The following HDAC9 variants were observed in gnomAD, a reference collection of about 807,000 sequenced individuals.
HDAC9 encodes the protein histone deacetylase 9, also known as MEF-2 interacting transcription repressor (MITR) protein.
Under a neutral mutation model 139.4 loss-of-function variants are expected in HDAC9, and 41 were observed. That is an observed-to-expected ratio of 0.29 (90% CI 0.23 to 0.38). The LOEUF is 0.38. Among genes scored for constraint, HDAC9 ranks in the 10% least tolerant of loss-of-function variants. The pLI is 1.00. For missense variants in HDAC9, 1,147 were observed against 1,297.0 expected, an observed-to-expected ratio of 0.88 and a Z score of 1.78; for synonymous variants, 517 against 476.2, an observed-to-expected ratio of 1.09 and a Z score of -1.12.
rs566728577 is a variant in HDAC9 at position 18,624,405 on chromosome 7, G to A, written c.665-4945G>A. ...GATTGTTTTCACTTAAATAATGATA[G>A]CCAATTTTTATACAAAGTTTTCATC... On this transcript the variant is annotated intron_variant, in intron 6 of 25. Transcript: ENST00000686413. Among the ~76,000 whole-genome samples the A allele has an allele frequency of 2.6e-5, 4 of 152,230 alleles. No individual in the cohort carries two copies. The South Asian group carries it at 6.2e-4, about 24-fold the overall frequency.
At chr7:18,898,485 GTAAT>G (rs1257721823) in intron 22 of HDAC9, among the ~76,000 whole-genome samples, 1 of 151,990 alleles carries the variant, frequency 6.6e-6, no homozygotes, top group Non-Finnish European at 1.5e-5. Context: ...GTGAAGGAGA[GTAAT>G]TAAGAGAACA....
chr7:18,942,644 C>G (rs1190306679), intron 23 of HDAC9, among the ~76,000 whole-genome samples: 1 of 151,958 alleles, frequency 6.6e-6, no homozygotes. Context: ...AATCAATAAA[C>G]AAAATTATAC....
chr7:18,518,987 T>A (rs918002176), intron 2 of HDAC9, among the ~76,000 whole-genome samples: 1 of 152,226 alleles, frequency 6.6e-6, no homozygotes, highest in Non-Finnish European at 1.5e-5. Context: ...TGAATCTTTA[T>A]GTCCAGAAGC....
At chr7:18,959,185 C>T (rs1585409938) in intron 24 of HDAC9, among the ~76,000 whole-genome samples, 1 of 152,098 alleles carries the variant, frequency 6.6e-6, no homozygotes, top group East Asian at 1.9e-4. Flanking sequence ...AACTTTTTCA[C>T]AGATTTGGGA....
At chr7:18,870,075 G>C (rs749792118) in intron 21 of HDAC9, among the ~76,000 whole-genome samples, 9 of 152,058 alleles carry the variant, frequency 5.9e-5, no homozygotes, top group Non-Finnish European at 1.2e-4. Flanking sequence ...AAATAGGACA[G>C]AGTTCCTGTA....
chr7:18,653,965 A>G (rs1042841188), intron 11 of HDAC9, among the ~76,000 whole-genome samples: 23 of 152,156 alleles, frequency 1.5e-4, no homozygotes, highest in Non-Finnish European at 2.8e-4. Flanking sequence ...TTGTGGTCAC[A>G]TACAAACATA....
intron 21 of HDAC9, among the ~76,000 whole-genome samples, chr7:18,846,573 T>C (rs750093769): frequency 2.6e-5 from 4 of 152,250 alleles, no homozygotes; most frequent in Admixed American, 6.5e-5. Flanking sequence ...GTTTATAAAC[T>C]GTCACTTTCA....
intron 17 of HDAC9, among the ~76,000 whole-genome samples, chr7:18,805,510 T>A (rs115817810): frequency 0.018 from 2,789 of 152,164 alleles, 91 homozygotes; most frequent in African/African-American, 0.063. Flanking sequence ...GGGCAAGGAT[T>A]TTTCCCCCTG....
chr7:18,322,176 G>T (rs1397194307), intron 1 of HDAC9, among the ~76,000 whole-genome samples: 1 of 152,102 alleles, frequency 6.6e-6, no homozygotes, highest in Non-Finnish European at 1.5e-5. Context: ...ATTAAACACT[G>T]TTCATCTGTA....
At chr7:18,863,355 C>A (rs1416551461) in intron 21 of HDAC9, among the ~76,000 whole-genome samples, 1 of 152,224 alleles carries the variant, frequency 6.6e-6, no homozygotes, top group South Asian at 2.1e-4. Context: ...ACATGGGGCC[C>A]AGGACGGCTT....
At chr7:18,791,501 A>G (rs1792306968) in intron 16 of HDAC9, among the ~76,000 whole-genome samples, 1 of 152,202 alleles carries the variant, frequency 6.6e-6, no homozygotes, top group African/African-American at 2.4e-5. Context: ...ACTTATTTAT[A>G]TTGGTTCAGT....
At chr7:18,956,264 C>T (rs1230475743) in intron 24 of HDAC9, among the ~76,000 whole-genome samples, 1 of 152,112 alleles carries the variant, frequency 6.6e-6, no homozygotes, top group Non-Finnish European at 1.5e-5. Flanking sequence ...TGGAGCATTA[C>T]TGATGATCCA....
intron 2 of HDAC9, among the ~76,000 whole-genome samples, chr7:18,230,904 C>T (rs929229342): frequency 2.0e-5 from 3 of 152,150 alleles, no homozygotes. Flanking sequence ...TCCAGGAAAG[C>T]AGAAGGATGT....
chr7:18,747,074 T>A (rs1788039144), intron 13 of HDAC9, among the ~76,000 whole-genome samples: 1 of 152,132 alleles, frequency 6.6e-6, no homozygotes, highest in Admixed American at 6.6e-5. Context: ...TGTATAAATG[T>A]CACAAGGCTG....
At chr7:18,828,107 A>G (rs1457376242) in intron 17 of HDAC9, among the ~76,000 whole-genome samples, 2 of 152,188 alleles carry the variant, frequency 1.3e-5, no homozygotes, top group Admixed American at 1.3e-4. Flanking sequence ...GTTAATGACC[A>G]TAACATTCTG....
intron 12 of HDAC9, among the ~76,000 whole-genome samples, chr7:18,693,537 A>G (rs1174786941): frequency 6.6e-6 from 1 of 152,176 alleles, no homozygotes; most frequent in Non-Finnish European, 1.5e-5. Context: ...GAGAGAGACG[A>G]GGAGAGAACA....
At chr7:18,584,363 C>T (rs917677413) in intron 2 of HDAC9, among the ~76,000 whole-genome samples, 6 of 151,946 alleles carry the variant, frequency 3.9e-5, no homozygotes, top group African/African-American at 1.2e-4. Context: ...CTCCTGACCT[C>T]GTGATCTGCC....
At chr7:18,389,844 A>G (rs528310164) in intron 1 of HDAC9, among the ~76,000 whole-genome samples, 8 of 152,314 alleles carry the variant, frequency 5.3e-5, no homozygotes, top group African/African-American at 1.9e-4. Context: ...AAATGCAGCA[A>G]AGGCAAAGAG....
chr7:18,799,301 G>A (rs1014093629), intron 17 of HDAC9, among the ~76,000 whole-genome samples: 13 of 152,102 alleles, frequency 8.5e-5, no homozygotes, highest in Admixed American at 7.2e-4. Flanking sequence ...CCTGGAAAGA[G>A]GTGAGAATAT....
Sources: allele counts gnomAD v4.1 joint callset (sites outside exome capture counted in the v4.1 genomes callset), GRCh38; gene constraint gnomAD v4.1.1; transcripts MANE v1.5; gene names NCBI Gene and HGNC (gene_info 2026-07-23, HGNC 2026-07-21).